The following SULF1 variants were observed in gnomAD, a reference collection of about 807,000 sequenced individuals.
SULF1 encodes sulfatase 1.
Under a neutral mutation model 110.5 loss-of-function variants are expected in SULF1, and 46 were observed. That is an observed-to-expected ratio of 0.42 (90% CI 0.33 to 0.53). SULF1 has a LOEUF of 0.53. Among genes scored for constraint, SULF1 ranks in the 20% least tolerant of loss-of-function variants. SULF1 has a pLI of 0.12. For synonymous variants in SULF1, 371 were observed against 387.1 expected (o/e 0.96, Z 0.49); for missense variants, 941 against 1,094.2 (o/e 0.86, Z 1.98).
At chr8:69,571,332 G>C (rs1805214471) in intron 5 of SULF1, among the ~76,000 whole-genome samples, 1 of 152,208 alleles carries the variant, frequency 6.6e-6, no homozygotes, top group South Asian at 2.1e-4. Context: ...CAACAACCTT[G>C]TAAACTAGTC....
In SULF1 at chr8:69,612,513, A is replaced by ATTGTTTTGTTTTGTT. The variant is rs58787912; in HGVS notation, c.1377+7594_1377+7595insTTTTGTTTTGTTTTG. The stretch of plus-strand genomic sequence containing the variant: ...TTTTGCCACATTCACGCCAACATCT[A>ATTGTTTTGTTTTGTT]TTGTTTTGTTTTGACTTTTTATTAT... On this transcript the variant is annotated intron_variant, in intron 13 of 22. Transcript: ENST00000402687. Among the ~76,000 whole-genome samples, 297 of 151,558 alleles carry ATTGTTTTGTTTTGTT rather than the reference A, an allele frequency of 2.0e-3. 2 individuals carry two copies. Among genetic ancestry groups the ATTGTTTTGTTTTGTT allele is most frequent in the East Asian group, 8.4e-3 (43 of 5,124 alleles).
Position 69,586,380 on chromosome 8 carries a change from G to T in SULF1, c.436G>T (p.Glu146Ter). The T allele has an allele frequency of 1.3e-6, 2 of 1,582,458 alleles. No individual in the cohort carries two copies. The highest frequency in any genetic ancestry group is 2.3e-5 in the East Asian group (1 of 43,410). ...RTAFFGKYLNEYNGSYIPPGW... is the reference protein window; with the variant it reads ...RTAFFGKYLN ...AGCCTTTTTTGGAAAATACCTCAATGAATATAATGGCAGCTACATCCCCCC... is the reference window on the plus strand; with the variant it reads ...AGCCTTTTTTGGAAAATACCTCAATTAATATAATGGCAGCTACATCCCCCC... Residue 146 changes from glutamate to a stop codon, truncating the protein, a stop_gained, in exon 7 of 23, where the codon GAA becomes TAA. Transcript: ENST00000402687. LOFTEE classifies it high-confidence loss of function.
intron 8 of SULF1, among the ~76,000 whole-genome samples, chr8:69,600,187 G>C (rs1317675645): frequency 1.3e-5 from 2 of 152,096 alleles, no homozygotes; most frequent in Non-Finnish European, 2.9e-5. Flanking sequence ...TAACGTATTT[G>C]TGACTACATT....
chr8:69,521,809 C>T (rs1177463567), intron 3 of SULF1, among the ~76,000 whole-genome samples: 2 of 147,238 alleles, frequency 1.4e-5, no homozygotes, highest in Non-Finnish European at 3.0e-5. Flanking sequence ...CTCTATCTAT[C>T]ATGTTGTGGG....
intron 13 of SULF1, among the ~76,000 whole-genome samples, chr8:69,615,768 CA>C (rs1809054811): frequency 1.3e-5 from 2 of 152,046 alleles, no homozygotes; most frequent in South Asian, 4.1e-4. Context: ...CATAGGAAAC[CA>C]ACAAAGAATT....
upstream of SULF1, among the ~76,000 whole-genome samples, chr8:69,490,534 G>A (rs553273729): frequency 6.6e-6 from 1 of 152,296 alleles, no homozygotes; most frequent in African/African-American, 2.4e-5. Context: ...CTCCAACTGA[G>A]TAAAGTCCAA....
Position 69,586,406 on chromosome 8 carries a change from T to C in SULF1, c.462T>C (p.Pro154=), listed in dbSNP as rs758143120. 5.6e-6 allele frequency: 9 copies of C among 1,610,814 alleles called. No individual in the cohort carries two copies. Among genetic ancestry groups the C allele is most frequent in the Non-Finnish European group, 7.6e-6 (9 of 1,178,970 alleles). Residue 154 remains proline, a synonymous_variant, in exon 7 of 23, where the codon CCT becomes CCC. Transcript: ENST00000402687. The part of the protein sequence containing the change: ...LNEYNGSYIP[P]GWREWLGLIK... ...AATATAATGGCAGCTACATCCCCCC[T>C]GGGTGGCGAGAATGGCTTGGATTAA...
intron 22 of SULF1, among the ~76,000 whole-genome samples, chr8:69,655,887 T>C (rs187519595): frequency 1.4e-4 from 21 of 152,368 alleles, no homozygotes; most frequent in African/African-American, 5.0e-4. Flanking sequence ...ATATATTATT[T>C]TTTCACACTT....
chr8:69,515,036 G>T (rs1446931263), intron 3 of SULF1, among the ~76,000 whole-genome samples: 3 of 152,162 alleles, frequency 2.0e-5, no homozygotes, highest in Non-Finnish European at 4.4e-5. Context: ...GCATGTGTTG[G>T]TGGATCTACC....
chr8:69,595,792 C>G (rs966060998), intron 8 of SULF1, among the ~76,000 whole-genome samples: 2 of 152,100 alleles, frequency 1.3e-5, no homozygotes, highest in South Asian at 2.1e-4. Flanking sequence ...TTCACTGGAG[C>G]GACACCAAAG....
In SULF1 at chr8:69,659,312, C is replaced by T; in HGVS notation, c.*777C>T. On this transcript the variant is annotated 3_prime_UTR_variant, in exon 23 of 23. Coordinates refer to ENST00000402687, the MANE Select transcript of SULF1 (RefSeq NM_001128205.2). ...GAAGGCAGCGCCTCCTCTTCACTCTCCTCTGATTAGATGAAACTGTTACCT... is the reference window on the plus strand; with the variant it reads ...GAAGGCAGCGCCTCCTCTTCACTCTTCTCTGATTAGATGAAACTGTTACCT... 2.5e-6 allele frequency: 1 copy of T among 398,844 alleles called. No individual in the cohort carries two copies. 24.7% of individuals were successfully genotyped at this position (398,844 alleles called of 1,614,324 possible).
chr8:69,486,166 C>T (rs1264496549), intron 1 of SULF1, among the ~76,000 whole-genome samples: 1 of 152,116 alleles, frequency 6.6e-6, no homozygotes, highest in East Asian at 1.9e-4. Flanking sequence ...TGAACAAGTG[C>T]TTAAGAACGT....
At chr8:69,497,835 A>G (rs900457660) in intron 2 of SULF1, among the ~76,000 whole-genome samples, 2 of 152,208 alleles carry the variant, frequency 1.3e-5, no homozygotes, top group African/African-American at 4.8e-5. Context: ...GCAGTAACAC[A>G]CTGACACAGA....
chr8:69,658,509 C>A lies in SULF1; in HGVS notation c.2590C>A (p.Gln864Lys). Residue 864 changes from glutamine to lysine, a missense_variant, in exon 23 of 23, where the codon CAG becomes AAG. Gln to Lys is a moderately conservative substitution (Grantham distance 53). Transcript: ENST00000402687. ...DGGSYDLHRG[Q>K]LWDGWEG ...CCTTCTTCTCTCTTTTCACAGAGGA[C>A]AGTTATGGGATGGATGGGAAGGTTA... 1 of 1,594,712 alleles carries A rather than the reference C, an allele frequency of 6.3e-7. No homozygotes were observed. Among genetic ancestry groups the A allele is most frequent in the Non-Finnish European group, 8.5e-7 (1 of 1,170,150 alleles).
chr8:69,635,539 T>A (rs1810923974), intron 19 of SULF1, among the ~76,000 whole-genome samples: 1 of 152,270 alleles, frequency 6.6e-6, no homozygotes, highest in Non-Finnish European at 1.5e-5. Flanking sequence ...AGATTTAGTG[T>A]GTCTGATACT....
chr8:69,644,619 C>CAA (rs59411303), intron 22 of SULF1, among the ~76,000 whole-genome samples: 1 of 143,852 alleles, frequency 7.0e-6, no homozygotes, highest in African/African-American at 2.5e-5. Context: ...ACTAAAAATA[C>CAA]AAAAAAAAAA....
rs1813003082 is a variant in SULF1 at position 69,659,953 on chromosome 8, C to T, written c.*1418C>T. On this transcript the variant is annotated 3_prime_UTR_variant, in exon 23 of 23. Coordinates refer to ENST00000402687, the MANE Select transcript of SULF1 (RefSeq NM_001128205.2). ...ATATTGTTTGACATTAAGCTTTTGC[C>T]AGAAAATGTTGCATGTGTTTTACCT... 1 of 152,514 alleles carries T rather than the reference C, an allele frequency of 6.6e-6. No individual in the cohort carries two copies. The highest frequency in any genetic ancestry group is 2.4e-5 in the African/African-American group (1 of 41,390). 9.4% of individuals were successfully genotyped at this position (152,514 alleles called of 1,614,324 possible). A position where few individuals can be genotyped will look rare whatever the true frequency, so the allele number is the denominator to read the frequency against.
chr8:69,610,392 T>C (rs1303614627), intron 13 of SULF1, among the ~76,000 whole-genome samples: 1 of 152,196 alleles, frequency 6.6e-6, no homozygotes, highest in East Asian at 1.9e-4. Context: ...CCTCCTAGAA[T>C]TGTTAGTTTT....
chr8:69,599,799 G>C (rs778543323), intron 8 of SULF1, among the ~76,000 whole-genome samples: 9 of 152,188 alleles, frequency 5.9e-5, no homozygotes, highest in Non-Finnish European at 5.9e-5. Context: ...TAATGGTTGA[G>C]GGAGTTGGGT....
Sources: allele counts gnomAD v4.1 joint callset (sites outside exome capture counted in the v4.1 genomes callset), GRCh38; gene constraint gnomAD v4.1.1; transcripts MANE v1.5; gene names NCBI Gene and HGNC (gene_info 2026-07-23, HGNC 2026-07-21).